Variants in URGCP observed in about 807,000 individuals in gnomAD.
URGCP encodes up-regulator of cell proliferation.
URGCP carries 13 observed loss-of-function variants against 24.6 expected under a neutral mutation model. The observed-to-expected ratio is 0.53, with a 90% CI of 0.34 to 0.84. The LOEUF is 0.84. Among genes scored for constraint, URGCP ranks in the 40% least tolerant of loss-of-function variants. The pLI is 0.01. For synonymous variants in URGCP, 444 were observed against 487.2 expected (o/e 0.91, Z 1.17); for missense variants, 899 against 1,194.3 (o/e 0.75, Z 3.64).
At chr7:43,887,139 G>A (rs2095863348) in intron 3 of URGCP, among the ~76,000 whole-genome samples, 1 of 152,114 alleles carries the variant, frequency 6.6e-6, no homozygotes, top group African/African-American at 2.4e-5. Flanking sequence ...ATAATCACCT[G>A]TTTAACTGAA....
chr7:43,887,607 C>A, intron 2 of URGCP, 122 bp from the exon 3 acceptor site: 1 of 1,483,798 alleles, frequency 6.7e-7, no homozygotes, highest in Non-Finnish European at 9.0e-7. Flanking sequence ...GGGTCACACC[C>A]CAGATCCATG....
chr7:43,895,698 A>G (rs771273188), intron 1 of URGCP, among the ~76,000 whole-genome samples: 4 of 152,208 alleles, frequency 2.6e-5, no homozygotes, highest in African/African-American at 9.6e-5. Context: ...ACAAAAACCA[A>G]TGCTGGTAAG....
chr7:43,877,473 C>G lies in URGCP; in HGVS notation c.1990G>C (p.Asp664His), dbSNP rs769241888. 1 of 1,613,664 alleles carries G rather than the reference C, an allele frequency of 6.2e-7. No individual in the cohort carries two copies. Among genetic ancestry groups the G allele is most frequent in the Non-Finnish European group, 8.5e-7 (1 of 1,180,022 alleles). Residue 664 changes from aspartate (D) to histidine (H), a missense_variant, in exon 6 of 6, where the codon GAT becomes CAT. Coordinates refer to ENST00000453200, the MANE Select transcript of URGCP (RefSeq NM_001077663.3). Reference protein sequence around the residue: ...LLTGLPLELIDGSTLSMPVRW... With the variant: ...LLTGLPLELIHGSTLSMPVRW... ...ACGGGCATGCTCAGCGTGCTCCCAT[C>G]GATTAGCTCCAGAGGCAGCCCTGTC... is the stretch of plus-strand genomic sequence containing the variant.
intron 1 of URGCP, among the ~76,000 whole-genome samples, chr7:43,912,035 C>G (rs1273966498): frequency 6.6e-6 from 1 of 151,752 alleles, no homozygotes; most frequent in African/African-American, 2.4e-5. Flanking sequence ...TATACCAAAA[C>G]TTATGGGATG....
At chr7:43,911,222 G>A (rs2095909757), upstream of URGCP, among the ~76,000 whole-genome samples, 1 of 152,092 alleles carries the variant, frequency 6.6e-6, no homozygotes, top group Non-Finnish European at 1.5e-5. Context: ...CCAACATGGT[G>A]AAACCTCCTC....
chr7:43,893,845 T>C (rs1347072058), intron 1 of URGCP, among the ~76,000 whole-genome samples: 3 of 152,028 alleles, frequency 2.0e-5, no homozygotes, highest in Non-Finnish European at 4.4e-5. Context: ...CACTCCAGCC[T>C]GGGTGACAGT....
intron 1 of URGCP, among the ~76,000 whole-genome samples, chr7:43,915,284 G>A (rs1281942468): frequency 6.6e-6 from 1 of 152,144 alleles, no homozygotes; most frequent in Non-Finnish European, 1.5e-5. Context: ...AGGGACATGA[G>A]GAGGGATGAG....
At chr7:43,900,041 A>G (rs923492838) in intron 1 of URGCP, among the ~76,000 whole-genome samples, 43 of 152,180 alleles carry the variant, frequency 2.8e-4, no homozygotes, top group Non-Finnish European at 3.5e-4. Flanking sequence ...GCTACTCAGG[A>G]GGCTGAGGCA....
intron 5 of URGCP, among the ~76,000 whole-genome samples, chr7:43,880,469 G>A (rs1285808900): frequency 2.0e-5 from 3 of 152,118 alleles, no homozygotes; most frequent in African/African-American, 7.2e-5. Context: ...TTGAGGCAGT[G>A]TCTCACTCTG....
intron 1 of URGCP, among the ~76,000 whole-genome samples, chr7:43,893,962 T>C (rs1761601786): frequency 1.3e-5 from 2 of 151,930 alleles, no homozygotes; most frequent in South Asian, 2.1e-4. Context: ...TTAGACAAAA[T>C]AGACTTTACA....
chr7:43,895,050 T>C (rs541098399), intron 1 of URGCP, among the ~76,000 whole-genome samples: 42 of 151,854 alleles, frequency 2.8e-4, no homozygotes, highest in South Asian at 4.2e-4. Flanking sequence ...AAAAAAAACA[T>C]AGACAAAGGG....
rs532212443 is a variant in URGCP, at chr7:43,881,049, A to G, written c.202+610T>C. The G allele has an allele frequency of 3.0e-5, 19 of 626,112 alleles. No homozygotes were observed. In the East Asian group the frequency reaches 5.2e-4, roughly 17 times the overall value. The allele number at this position is 626,112 out of a possible 1,614,324, so 38.8% of individuals were successfully genotyped here. ...ATGAACTTGTTACAAAAACAAAAGT[A>G]CTATATGGGAAGAGTCACATTGTGC... On this transcript the variant is annotated intron_variant, in intron 5 of 5. Transcript: ENST00000453200.
chr7:43,896,910 A>G (rs1208004802), intron 1 of URGCP, among the ~76,000 whole-genome samples: 1 of 152,192 alleles, frequency 6.6e-6, no homozygotes, highest in Non-Finnish European at 1.5e-5. Flanking sequence ...ATTTATCCAC[A>G]TATTTATTGT....
At chr7:43,885,075 G>A (rs1044978664) in intron 3 of URGCP, among the ~76,000 whole-genome samples, 5 of 149,686 alleles carry the variant, frequency 3.3e-5, no homozygotes, top group African/African-American at 7.4e-5. Flanking sequence ...GCTATTAATT[G>A]GAGTACTTTT....
intron 1 of URGCP, among the ~76,000 whole-genome samples, chr7:43,920,550 G>A (rs1220912155): frequency 1.3e-5 from 2 of 152,152 alleles, no homozygotes; most frequent in African/African-American, 4.8e-5. Context: ...GCAACAGAGC[G>A]AGACTCTGTC....
At chr7:43,894,659 CAAAAAATTTCTT>C (rs2095875795) in intron 1 of URGCP, among the ~76,000 whole-genome samples, 1 of 151,960 alleles carries the variant, frequency 6.6e-6, no homozygotes, top group South Asian at 2.1e-4. Flanking sequence ...TGTGCCTGGC[CAAAAAATTTCTT>C]AAAAATCAAA....
intron 1 of URGCP, among the ~76,000 whole-genome samples, chr7:43,917,798 C>T (rs2095917026): frequency 6.6e-6 from 1 of 152,004 alleles, no homozygotes; most frequent in Admixed American, 6.6e-5. Flanking sequence ...TAGTGAGACC[C>T]TGTCTCTATA....
intron 3 of URGCP, among the ~76,000 whole-genome samples, chr7:43,884,818 G>A (rs2095859761): frequency 6.6e-6 from 1 of 152,144 alleles, no homozygotes; most frequent in Non-Finnish European, 1.5e-5. Flanking sequence ...TTGAGTGATG[G>A]AGTGAGACAA....
upstream of URGCP, chr7:43,926,544 G>A: frequency 1.3e-6 from 2 of 1,568,086 alleles, no homozygotes; most frequent in Non-Finnish European, 1.7e-6. Context: ...TGGCGCTAAA[G>A]CGGATCCAGA....
Sources: allele counts gnomAD v4.1 joint callset (sites outside exome capture counted in the v4.1 genomes callset), GRCh38; gene constraint gnomAD v4.1.1; transcripts MANE v1.5; gene names NCBI Gene and HGNC (gene_info 2026-07-23, HGNC 2026-07-21).